EYS: variants seen among roughly 807,000 people sequenced by gnomAD.
EYS encodes EGF-like photoreceptor maintenance factor, also known as protein eyes shut homolog.
In EYS, 250 loss-of-function variants were observed where a neutral mutation model predicts 282.1. The observed-to-expected ratio is 0.89, with a 90% CI of 0.80 to 0.98. EYS has a LOEUF of 0.98. Ranked by LOEUF, EYS falls within the 50% of genes least tolerant of loss-of-function variation. The pLI is 0.00. For missense variants in EYS, 4,016 were observed against 3,709.0 expected (o/e 1.08, Z -2.15); for synonymous variants, 1,355 against 1,282.9 (o/e 1.06, Z -1.20).
intron 19 of EYS, among the ~76,000 whole-genome samples, chr6:64,854,314 G>T (rs554195227): frequency 1.3e-5 from 2 of 151,728 alleles, no homozygotes; most frequent in Non-Finnish European, 2.9e-5. Context: ...TGTTTATTGC[G>T]GCACTATTCA....
intron 13 of EYS, among the ~76,000 whole-genome samples, chr6:65,038,367 T>C (rs55769336): frequency 3.8e-4 from 57 of 151,634 alleles, no homozygotes; most frequent in African/African-American, 1.2e-3. Context: ...CCTTTTCTTT[T>C]ATCTTTTGTT....
At chr6:64,443,196 T>C (rs1379814987) in intron 26 of EYS, among the ~76,000 whole-genome samples, 2 of 152,210 alleles carry the variant, frequency 1.3e-5, no homozygotes, top group East Asian at 3.8e-4. Flanking sequence ...TTTGGAGCTT[T>C]AAAATTTGAC....
At chr6:65,570,272 C>T (rs1764433040) in intron 2 of EYS, among the ~76,000 whole-genome samples, 1 of 152,092 alleles carries the variant, frequency 6.6e-6, no homozygotes, top group African/African-American at 2.4e-5. Context: ...AAAGAAGAGC[C>T]TAGACCTTTC....
At chr6:64,198,137 C>T (rs949036748) in intron 31 of EYS, among the ~76,000 whole-genome samples, 2 of 151,218 alleles carry the variant, frequency 1.3e-5, no homozygotes, top group African/African-American at 2.4e-5. Context: ...GGACTACAGG[C>T]GCCCGCCACC....
intron 14 of EYS, among the ~76,000 whole-genome samples, chr6:64,946,980 G>A (rs10085288): frequency 1.3e-3 from 198 of 151,892 alleles, no homozygotes; most frequent in African/African-American, 4.6e-3. Context: ...AGAGGTGAGA[G>A]TTGAGTTAGA....
At chr6:63,887,563 C>T (rs1773295926) in intron 35 of EYS, among the ~76,000 whole-genome samples, 1 of 152,146 alleles carries the variant, frequency 6.6e-6, no homozygotes, top group African/African-American at 2.4e-5. Flanking sequence ...GGTCGGGGAA[C>T]TCCATCCCCT....
intron 22 of EYS, among the ~76,000 whole-genome samples, chr6:64,738,346 G>A (rs545724543): frequency 1.3e-5 from 2 of 152,234 alleles, no homozygotes; most frequent in East Asian, 3.9e-4. Flanking sequence ...CTCTTTCCTT[G>A]TGTGACAGGT....
At chr6:64,845,404 G>T (rs1249235629) in intron 19 of EYS, among the ~76,000 whole-genome samples, 1 of 151,958 alleles carries the variant, frequency 6.6e-6, no homozygotes, top group African/African-American at 2.4e-5. Flanking sequence ...ACACATCTTG[G>T]TCTTAGAATC....
intron 35 of EYS, among the ~76,000 whole-genome samples, chr6:63,870,626 G>A (rs1772778481): frequency 6.6e-6 from 1 of 152,076 alleles, no homozygotes. Context: ...GAAATTTAGA[G>A]GTGTTCTTGC....
At chr6:65,056,965 T>A (rs1451528873) in intron 13 of EYS, among the ~76,000 whole-genome samples, 1 of 152,034 alleles carries the variant, frequency 6.6e-6, no homozygotes, top group Non-Finnish European at 1.5e-5. Context: ...TAAGTAATTA[T>A]AAGATACCTT....
At chr6:64,440,533 G>GA in intron 26 of EYS, among the ~76,000 whole-genome samples, 1 of 151,952 alleles carries the variant, frequency 6.6e-6, no homozygotes. Context: ...GTTAATGACT[G>GA]AAAAAATAAC....
At chr6:65,194,479 G>T (rs1349707701) in intron 12 of EYS, among the ~76,000 whole-genome samples, 6 of 152,000 alleles carry the variant, frequency 3.9e-5, no homozygotes, top group Admixed American at 1.3e-4. Context: ...ATAAATTCCA[G>T]CAACTAACTT....
intron 1 of EYS, among the ~76,000 whole-genome samples, chr6:65,704,852 T>C (rs1769819124): frequency 6.6e-6 from 1 of 152,218 alleles, no homozygotes; most frequent in Admixed American, 6.5e-5. Context: ...GAATATGACC[T>C]GAGGCACATT....
rs570289153 is a variant in EYS, at chr6:65,169,923, CA to C, written c.2024-112197del. ...ACACACTAAGCTCTAGCACTGAAAA[CA>C]AAAATTTTAATGTGTATTGCCTTGA... On this transcript the variant is annotated intron_variant, in intron 12 of 42. Coordinates refer to ENST00000503581, the MANE Select transcript of EYS (RefSeq NM_001142800.2). Among the ~76,000 whole-genome samples the C allele has an allele frequency of 3.3e-5, 5 of 151,480 alleles. No individual in the cohort carries two copies. The South Asian group carries it at 1.0e-3, about 31-fold the overall frequency.
At chr6:64,572,486 A>G (rs1450078104) in intron 26 of EYS, among the ~76,000 whole-genome samples, 1 of 152,108 alleles carries the variant, frequency 6.6e-6, no homozygotes, top group East Asian at 1.9e-4. Context: ...TTGCAAATCA[A>G]GTCAAATTGC....
chr6:64,232,351 T>C (rs1766449287), intron 30 of EYS, among the ~76,000 whole-genome samples: 1 of 152,156 alleles, frequency 6.6e-6, no homozygotes, highest in South Asian at 2.1e-4. Context: ...ATCTTTTTTT[T>C]TGTAAATATG....
At chr6:64,440,664 C>G (rs771433945) in intron 26 of EYS, among the ~76,000 whole-genome samples, 5 of 151,732 alleles carry the variant, frequency 3.3e-5, no homozygotes, top group Non-Finnish European at 7.4e-5. Context: ...ACATTTTAAA[C>G]AACAAGAAAT....
chr6:65,370,304 G>T (rs9360125), intron 8 of EYS, among the ~76,000 whole-genome samples: 30,520 of 130,258 alleles, frequency 0.23, 3,811 homozygotes, highest in Middle Eastern at 0.37. Context: ...ACCCCAGGAT[G>T]AAGTGCAGTA....
At chr6:64,131,218 G>A (rs940078466) in intron 31 of EYS, among the ~76,000 whole-genome samples, 14 of 152,128 alleles carry the variant, frequency 9.2e-5, no homozygotes, top group African/African-American at 3.4e-4. Context: ...CTTTTAGAGG[G>A]GAGTGACGTG....
Sources: gnomAD v4.1 joint callset for allele counts (sites outside exome capture counted in the v4.1 genomes callset) on GRCh38, gnomAD v4.1.1 for gene constraint, MANE v1.5 for transcripts, NCBI Gene and HGNC (gene_info 2026-07-23, HGNC 2026-07-21) for gene names.